The following CFH variants were observed in gnomAD, a reference collection of about 807,000 sequenced individuals.
CFH encodes the protein H factor 1 (complement).
Under a neutral mutation model 147.3 loss-of-function variants are expected in CFH, and 53 were observed. The ratio of observed to expected loss-of-function variants is 0.36; its 90% CI spans 0.29 to 0.45. The LOEUF is 0.45. Ranked by LOEUF, CFH falls within the 20% of genes least tolerant of loss-of-function variation. The pLI is 1.00. For synonymous variants in CFH, 536 were observed against 489.4 expected (o/e 1.10, Z -1.26); for missense variants, 1,380 against 1,498.0 (o/e 0.92, Z 1.30).
chr1:196,684,703 T>G (rs1207812506), intron 6 of CFH, among the ~76,000 whole-genome samples: 1 of 151,970 alleles, frequency 6.6e-6, no homozygotes, highest in Non-Finnish European at 1.5e-5. Context: ...AAAGAAACAC[T>G]GAATATTTGT....
chr1:196,677,628 G>A lies in CFH; in HGVS notation c.580G>A (p.Asp194Asn), dbSNP rs1667504478. 6.2e-7 allele frequency: 1 copy of A among 1,613,142 alleles called. No individual in the cohort carries two copies. ...IEGDEEMHCS[D>N]DGFWSKEKPK... ...AGGAGATGAAGAAATGCATTGTTCA[G>A]ACGATGGTTTTTGGAGTAAAGAGAA... The change falls in exon 5 of 22, where the codon GAC (aspartate) becomes AAC (asparagine). Residue 194 changes from aspartate (D) to asparagine (N), a missense_variant. By Grantham distance (23) the Asp-to-Asn change is conservative. Coordinates refer to ENST00000367429, the MANE Select transcript of CFH (RefSeq NM_000186.4).
intron 1 of CFH, among the ~76,000 whole-genome samples, chr1:196,667,310 T>C (rs375504536): frequency 2.5e-4 from 38 of 152,288 alleles, no homozygotes; most frequent in African/African-American, 7.2e-4. Context: ...TCAGGAGACA[T>C]TGTATTAGCA....
At chr1:196,738,633 A>G (rs1652675372) in intron 17 of CFH, among the ~76,000 whole-genome samples, 1 of 152,220 alleles carries the variant, frequency 6.6e-6, no homozygotes, top group South Asian at 2.1e-4. Context: ...TGCTGATGCA[A>G]GAGATGGGCT....
chr1:196,680,438 T>A (rs1667610434), intron 6 of CFH, among the ~76,000 whole-genome samples: 1 of 151,808 alleles, frequency 6.6e-6, no homozygotes. Context: ...CTACTTAACC[T>A]ACTTCATTTT....
At chr1:196,680,419 T>C (rs896304252) in intron 6 of CFH, among the ~76,000 whole-genome samples, 1 of 151,446 alleles carries the variant, frequency 6.6e-6, no homozygotes, top group African/African-American at 2.4e-5. Context: ...ATATCTGGAA[T>C]AGAGTGTTCT....
intron 1 of CFH, among the ~76,000 whole-genome samples, chr1:196,664,057 CT>C (rs11340441): frequency 0.054 from 8,181 of 151,986 alleles, 731 homozygotes; most frequent in African/African-American, 0.19. Context: ...ATATGTTTTC[CT>C]GTTTTTTTCC....
At chr1:196,705,346 C>A (rs1383777310) in intron 9 of CFH, among the ~76,000 whole-genome samples, 1 of 152,046 alleles carries the variant, frequency 6.6e-6, no homozygotes. Flanking sequence ...GTCAGGGTGG[C>A]CAGACTCAGG....
chr1:196,745,726 A>C, intron 20 of CFH, 91 bp from the exon 21 acceptor site: 1 of 1,548,482 alleles, frequency 6.5e-7, no homozygotes, highest in Non-Finnish European at 8.9e-7. Flanking sequence ...TGTTGATATT[A>C]TATACAGTGC....
chr1:196,695,564 G>A (rs1668228896), intron 9 of CFH, among the ~76,000 whole-genome samples: 1 of 152,074 alleles, frequency 6.6e-6, no homozygotes, highest in African/African-American at 2.4e-5. Context: ...TAGCTAGATG[G>A]GAATAGCATT....
chr1:196,715,969 G>C (rs750311645), intron 11 of CFH, among the ~76,000 whole-genome samples, 200 bp downstream of exon 11: 1 of 151,812 alleles, frequency 6.6e-6, no homozygotes, highest in Non-Finnish European at 1.5e-5. Context: ...ACTTCCTATG[G>C]GCCACCTACC....
chr1:196,690,535 G>T (rs1667989186), intron 9 of CFH: 1 of 441,016 alleles, frequency 2.3e-6, no homozygotes, highest in Non-Finnish European at 4.2e-6. Flanking sequence ...ATCATTGTCT[G>T]GGTAAATATC....
chr1:196,727,582 T>G (rs1050315507), intron 14 of CFH, among the ~76,000 whole-genome samples: 2 of 152,122 alleles, frequency 1.3e-5, no homozygotes, highest in African/African-American at 4.8e-5. Context: ...ATATAAAATA[T>G]AAATATTATT....
At chr1:196,670,483 C>T (rs926300638) in intron 1 of CFH, among the ~76,000 whole-genome samples, 4 of 152,240 alleles carry the variant, frequency 2.6e-5, no homozygotes, top group African/African-American at 4.8e-5. Flanking sequence ...ATGCTATTCT[C>T]GTGATAGTGA....
intron 12 of CFH, among the ~76,000 whole-genome samples, chr1:196,726,073 G>A (rs1669129583): frequency 6.6e-6 from 1 of 152,138 alleles, no homozygotes; most frequent in Non-Finnish European, 1.5e-5. Context: ...TATTTAAGCA[G>A]CTTATATTCA....
chr1:196,745,648 T>C (rs540797747), intron 20 of CFH, among the ~76,000 whole-genome samples, 169 bp from the exon 21 acceptor site: 1 of 152,296 alleles, frequency 6.6e-6, no homozygotes, highest in Admixed American at 6.5e-5. Flanking sequence ...AACTTAAATA[T>C]ATTACTTTCA....
chr1:196,714,668 T>TATATAGAG (rs1362376856), intron 10 of CFH, among the ~76,000 whole-genome samples: 10 of 21,310 alleles, frequency 4.7e-4, no homozygotes, highest in Non-Finnish European at 7.6e-4. Flanking sequence ...TATATATATA[T>TATATAGAG]AGAGAGAGAG....
chr1:196,726,837 T>G lies in CFH; in HGVS notation c.2133T>G (p.Tyr711Ter). Residue 711 changes from tyrosine to a stop codon, truncating the protein, a stop_gained, in exon 14 of 22, where the codon TAT (tyrosine) becomes TAG (stop). Coordinates refer to ENST00000367429, the MANE Select transcript of CFH (RefSeq NM_000186.4). LOFTEE classifies it high-confidence loss of function. Reference protein sequence around the residue: ...WAQLSSPPYYYGDSVEFNCSE... With the variant: ...WAQLSSPPYY ...AGCTTTCTTCCCCTCCTTATTACTA[T>G]GGAGATTCAGTGGAATTCAATTGCT... The G allele has an allele frequency of 6.2e-7, 1 of 1,612,680 alleles. No homozygotes were observed.
chr1:196,677,992 G>A (rs1667515283), intron 5 of CFH: 1 of 350,822 alleles, frequency 2.9e-6, no homozygotes, highest in African/African-American at 2.1e-5. Flanking sequence ...CAGAGTCCAT[G>A]CTTTAACCAT....
At chr1:196,736,002 A>G (rs955141094) in intron 15 of CFH, among the ~76,000 whole-genome samples, 1 of 152,056 alleles carries the variant, frequency 6.6e-6, no homozygotes, top group African/African-American at 2.4e-5. Flanking sequence ...AGGAAAATCA[A>G]GGGATTATAG....
Sources: allele counts gnomAD v4.1 joint callset (sites outside exome capture counted in the v4.1 genomes callset), GRCh38; gene constraint gnomAD v4.1.1; transcripts MANE v1.5; gene names NCBI Gene and HGNC (gene_info 2026-07-23, HGNC 2026-07-21).